Variants in CNTN4 observed in about 807,000 individuals in gnomAD.
CNTN4 encodes contactin 4.
Under a neutral mutation model 122.5 loss-of-function variants are expected in CNTN4, and 77 were observed. The ratio of observed to expected loss-of-function variants is 0.63; its 90% CI spans 0.52 to 0.76. CNTN4 has a LOEUF of 0.76. Among genes scored for constraint, CNTN4 ranks in the 30% least tolerant of loss-of-function variants. The pLI, the probability that CNTN4 is intolerant of heterozygous loss-of-function variation, is 0.00. For missense variants in CNTN4, 1,256 were observed against 1,259.1 expected, an observed-to-expected ratio of 1.00 and a Z score of 0.04; for synonymous variants, 512 against 447.0, an observed-to-expected ratio of 1.15 and a Z score of -1.83.
chr3:2,664,087 G>A (rs1257816758), intron 4 of CNTN4, among the ~76,000 whole-genome samples: 2 of 152,176 alleles, frequency 1.3e-5, no homozygotes, highest in South Asian at 2.1e-4. Context: ...AAATTTGATT[G>A]TGATGATGGC....
At chr3:2,341,689 CA>C (rs1478093956) in intron 3 of CNTN4, among the ~76,000 whole-genome samples, 1 of 152,176 alleles carries the variant, frequency 6.6e-6, no homozygotes, top group Non-Finnish European at 1.5e-5. Flanking sequence ...AGAATATCCC[CA>C]AAACAGTTAA....
At chr3:2,190,089 C>T (rs981124253) in intron 2 of CNTN4, among the ~76,000 whole-genome samples, 2 of 152,154 alleles carry the variant, frequency 1.3e-5, no homozygotes, top group African/African-American at 2.4e-5. Context: ...GGGATTCTAC[C>T]CCAGAGTCCT....
At chr3:2,866,588 A>T (rs1417192545) in intron 7 of CNTN4, 164 bp from the exon 8 acceptor site, 2 of 1,156,202 alleles carry the variant, frequency 1.7e-6, no homozygotes, top group Non-Finnish European at 2.4e-6. Flanking sequence ...AGGCTGGTAA[A>T]ATGCCACGGG....
intron 2 of CNTN4, among the ~76,000 whole-genome samples, chr3:2,124,473 C>CACACACACACACA (rs1553570119): frequency 2.0e-5 from 3 of 147,144 alleles, no homozygotes; most frequent in Admixed American, 6.8e-5. Context: ...CACACACACA[C>CACACACACACACA]CCCCTTAAGC....
intron 4 of CNTN4, among the ~76,000 whole-genome samples, chr3:2,723,207 T>C (rs187008449): frequency 5.1e-4 from 78 of 152,276 alleles, no homozygotes; most frequent in African/African-American, 1.7e-3. Flanking sequence ...AAATCAAGAT[T>C]CTGGTGAGAG....
intron 2 of CNTN4, among the ~76,000 whole-genome samples, chr3:2,118,201 A>G (rs1206657753): frequency 6.6e-6 from 1 of 152,230 alleles, no homozygotes; most frequent in Non-Finnish European, 1.5e-5. Context: ...GAGAAAACTG[A>G]GAATCAGAAA....
chr3:2,797,285 C>G (rs113820390), intron 6 of CNTN4, among the ~76,000 whole-genome samples: 2,688 of 152,262 alleles, frequency 0.018, 91 homozygotes, highest in African/African-American at 0.059. Flanking sequence ...TGAACCACCA[C>G]TCCCAGACCA....
At chr3:2,722,009 A>G (rs1359988692) in intron 4 of CNTN4, among the ~76,000 whole-genome samples, 2 of 152,168 alleles carry the variant, frequency 1.3e-5, no homozygotes, top group Non-Finnish European at 2.9e-5. Flanking sequence ...GCTTCACCAG[A>G]CACCAAATCT....
Position 2,770,015 on chromosome 3 carries a change from T to C in CNTN4, c.358+24318T>C, listed in dbSNP as rs1426774698. Among the ~76,000 whole-genome samples the C allele has an allele frequency of 3.6e-3, 511 of 140,456 alleles. 3 individuals are homozygous for C. The highest frequency in any genetic ancestry group is 0.013 in the African/African-American group (498 of 38,442). The allele number at this position is 140,456 out of a possible 152,430, so 92.1% of individuals were successfully genotyped here. A position where few individuals can be genotyped will look rare whatever the true frequency, so the allele number is the denominator to read the frequency against. On this transcript the variant is annotated intron_variant, in intron 6 of 24. Coordinates refer to ENST00000418658, the MANE Select transcript of CNTN4 (RefSeq NM_175607.3). ...TTCTCTTCCATCTCTCTCTGTCTCT[T>C]TTTGTTTGTTTGTTTGTTTGTTTTT...
At chr3:2,397,564 A>T (rs1490072448) in intron 3 of CNTN4, among the ~76,000 whole-genome samples, 1 of 152,124 alleles carries the variant, frequency 6.6e-6, no homozygotes, top group East Asian at 1.9e-4. Context: ...GATTGTATCA[A>T]ATACAGACTA....
chr3:2,301,085 A>G (rs1353390706), intron 2 of CNTN4, among the ~76,000 whole-genome samples: 1 of 152,172 alleles, frequency 6.6e-6, no homozygotes, highest in African/African-American at 2.4e-5. Flanking sequence ...CTTTGAATCC[A>G]TTGCAGACTG....
intron 4 of CNTN4, among the ~76,000 whole-genome samples, chr3:2,595,699 G>T (rs1458321824): frequency 6.6e-6 from 1 of 152,144 alleles, no homozygotes; most frequent in Admixed American, 6.5e-5. Context: ...CCCTCCTACT[G>T]GGAGAAGGTA....
intron 6 of CNTN4, among the ~76,000 whole-genome samples, chr3:2,793,193 GGAAA>G (rs1261776198): frequency 6.6e-6 from 1 of 152,010 alleles, no homozygotes; most frequent in Non-Finnish European, 1.5e-5. Context: ...TTTGCTTGCT[GGAAA>G]GAAAGTTCAC....
At chr3:2,542,179 A>G (rs1393623643) in intron 3 of CNTN4, among the ~76,000 whole-genome samples, 1 of 152,108 alleles carries the variant, frequency 6.6e-6, no homozygotes, top group African/African-American at 2.4e-5. Context: ...GCTCTTCTTG[A>G]TAAGATCAGC....
intron 12 of CNTN4, among the ~76,000 whole-genome samples, chr3:2,917,331 C>T (rs375290826): frequency 0.014 from 1,878 of 135,000 alleles, 34 homozygotes; most frequent in African/African-American, 0.049. Flanking sequence ...TGGTGGAAAG[C>T]GGAATAGGGA....
intron 2 of CNTN4, among the ~76,000 whole-genome samples, chr3:2,157,313 AG>A (rs777181512): frequency 9.2e-5 from 14 of 152,164 alleles, no homozygotes; most frequent in Non-Finnish European, 2.1e-4. Flanking sequence ...ATGAAAGTAG[AG>A]GGAGGAGGTG....
At chr3:2,630,524 A>G (rs1304659140) in intron 4 of CNTN4, among the ~76,000 whole-genome samples, 2 of 152,144 alleles carry the variant, frequency 1.3e-5, no homozygotes, top group Non-Finnish European at 2.9e-5. Flanking sequence ...TTTGCTGACT[A>G]TTGCTTTACG....
chr3:2,119,867 C>A (rs9812017), intron 2 of CNTN4, among the ~76,000 whole-genome samples: 31,045 of 151,946 alleles, frequency 0.2, 3,693 homozygotes, highest in Admixed American at 0.32. Context: ...ACAATTAATA[C>A]TTTAAAAAAT....
intron 11 of CNTN4, among the ~76,000 whole-genome samples, chr3:2,901,428 C>T (rs1038412829): frequency 2.0e-5 from 3 of 152,150 alleles, no homozygotes; most frequent in Admixed American, 2.0e-4. Flanking sequence ...ATGGCCCTCA[C>T]ATGAATTTAC....
Sources: gnomAD v4.1 joint callset for allele counts (sites outside exome capture counted in the v4.1 genomes callset) on GRCh38, gnomAD v4.1.1 for gene constraint, MANE v1.5 for transcripts, NCBI Gene and HGNC (gene_info 2026-07-23, HGNC 2026-07-21) for gene names.